Variants in SNRK observed in about 807,000 individuals in gnomAD.
SNRK encodes SNF-related serine/threonine-protein kinase.
A neutral mutation model predicts 48.2 loss-of-function variants in SNRK; 3 were observed. That is an observed-to-expected ratio of 0.06 (90% confidence interval 0.03 to 0.16). SNRK has a LOEUF of 0.16. Ranked by LOEUF, SNRK falls within the 10% of genes least tolerant of loss-of-function variation. The probability of loss-of-function intolerance (pLI) is 1.00; values close to 1 mark genes in which losing one functional copy is unlikely to be tolerated. For missense variants in SNRK, 627 were observed against 976.0 expected (o/e 0.64, Z 4.76); for synonymous variants, 376 against 366.1 (o/e 1.03, Z -0.31).
At chr3:43,306,932 A>G (rs2090942258) in intron 3 of SNRK, among the ~76,000 whole-genome samples, 1 of 152,174 alleles carries the variant, frequency 6.6e-6, no homozygotes. Flanking sequence ...TGCTTCGGAT[A>G]CTATTTTTAG....
chr3:43,340,575 C>T (rs1011424852), intron 5 of SNRK, 76 bp downstream of exon 5: 4 of 1,235,318 alleles, frequency 3.2e-6, no homozygotes, highest in Non-Finnish European at 3.5e-6. Context: ...TTAACACAGC[C>T]TTTGGACACC....
intron 3 of SNRK, among the ~76,000 whole-genome samples, chr3:43,330,040 T>C (rs1035199113): frequency 1.3e-5 from 2 of 152,232 alleles, no homozygotes; most frequent in African/African-American, 4.8e-5. Flanking sequence ...AATAATGTCA[T>C]TAAACTCATT....
intron 4 of SNRK, among the ~76,000 whole-genome samples, chr3:43,337,959 A>G (rs1246842572): frequency 1.3e-5 from 2 of 152,172 alleles, no homozygotes; most frequent in Non-Finnish European, 2.9e-5. Context: ...TATGTTGCCC[A>G]GGCTGGTCTG....
intron 1 of SNRK, among the ~76,000 whole-genome samples, chr3:43,291,041 G>A (rs2090808222): frequency 6.6e-6 from 1 of 152,080 alleles, no homozygotes; most frequent in African/African-American, 2.4e-5. Flanking sequence ...AGTTGGGGAG[G>A]GCAAGGGGAT....
intron 1 of SNRK, among the ~76,000 whole-genome samples, chr3:43,286,947 G>A (rs2090769510): frequency 6.9e-6 from 1 of 144,584 alleles, no homozygotes; most frequent in South Asian, 2.1e-4. Context: ...CTGCGGCGGC[G>A]GCCGCGGTCG....
chr3:43,348,071 T>G lies in SNRK; in HGVS notation c.1812T>G (p.Gly604=). 1 of 1,600,850 alleles carries G rather than the reference T, an allele frequency of 6.2e-7. No individual in the cohort carries two copies. The highest frequency in any genetic ancestry group is 8.5e-7 in the Non-Finnish European group (1 of 1,173,378). ...CCAGCCCCAGTGAGAACAATGCTGGTGGGGGCAGTCCCTCCAGCGGCTCGG... is the reference window on the plus strand; with the variant it reads ...CCAGCCCCAGTGAGAACAATGCTGGGGGGGGCAGTCCCTCCAGCGGCTCGG... ...DKASPSENNA[G]GGSPSSGSGG... Residue 604 remains glycine, a synonymous_variant, in exon 7 of 7, where the codon GGT becomes GGG. Transcript: ENST00000296088.
chr3:43,313,439 A>G (rs778034447), intron 3 of SNRK, among the ~76,000 whole-genome samples: 6 of 152,348 alleles, frequency 3.9e-5, no homozygotes, highest in South Asian at 2.1e-4. Flanking sequence ...GGCAACAACA[A>G]TCATCTCAGG....
rs1329589516 is a variant in SNRK, at chr3:43,347,918, G to T, written c.1659G>T (p.Arg553=). The T allele has an allele frequency of 3.1e-6, 5 of 1,614,034 alleles. No homozygotes were observed. The Admixed American group carries it at 6.7e-5, about 22-fold the overall frequency. The part of the protein sequence containing the change: ...TSDDDSESRR[R]LDKDSGFTYS... ...ATGATGATTCTGAAAGCCGGCGGCG[G>T]CTCGATAAAGATAGCGGGTTCACCT... The change falls in exon 7 of 7, where the codon CGG becomes CGT. Residue 553 remains arginine, a synonymous_variant. Coordinates refer to ENST00000296088, the MANE Select transcript of SNRK (RefSeq NM_017719.5). The surrounding 1 kb of genome is among the most constrained non-coding windows in gnomAD (Gnocchi z 5.4).
At chr3:43,313,944 T>C (rs886934225) in intron 3 of SNRK, among the ~76,000 whole-genome samples, 11 of 152,348 alleles carry the variant, frequency 7.2e-5, no homozygotes, top group Middle Eastern at 3.4e-3. Flanking sequence ...TTGTGTAGTG[T>C]GGTTTTAGTT....
At chr3:43,309,228 A>G (rs2090960377) in intron 3 of SNRK, among the ~76,000 whole-genome samples, 1 of 152,098 alleles carries the variant, frequency 6.6e-6, no homozygotes, top group African/African-American at 2.4e-5. Context: ...GTTTCTTGAG[A>G]TGGATTCTAT....
chr3:43,313,515 A>G (rs1056123372), intron 3 of SNRK, among the ~76,000 whole-genome samples: 1 of 152,222 alleles, frequency 6.6e-6, no homozygotes, highest in African/African-American at 2.4e-5. Flanking sequence ...AATGGAGAAC[A>G]GATTGGTGGC....
At chr3:43,316,301 T>G (rs2091012766) in intron 3 of SNRK, among the ~76,000 whole-genome samples, 1 of 152,164 alleles carries the variant, frequency 6.6e-6, no homozygotes, top group Admixed American at 6.5e-5. Flanking sequence ...GGATTTAAAC[T>G]GGTGGCTCTC....
At chr3:43,296,972 CA>C (rs1253742514) in intron 1 of SNRK, among the ~76,000 whole-genome samples, 1 of 152,156 alleles carries the variant, frequency 6.6e-6, no homozygotes, top group African/African-American at 2.4e-5. Flanking sequence ...GTTTCTCAGA[CA>C]TAAGTTTTTA....
intron 2 of SNRK, among the ~76,000 whole-genome samples, chr3:43,302,795 GT>G (rs1229856358): frequency 6.6e-6 from 1 of 151,942 alleles, no homozygotes; most frequent in African/African-American, 2.4e-5. Context: ...GAAAATGTTT[GT>G]TTTTTAAACA....
chr3:43,337,594 G>A (rs904649715), intron 4 of SNRK, among the ~76,000 whole-genome samples: 12 of 151,908 alleles, frequency 7.9e-5, no homozygotes, highest in Non-Finnish European at 1.3e-4. Flanking sequence ...TAGAGATGGT[G>A]TATTAGTCCA....
intron 5 of SNRK, chr3:43,340,776 T>C (rs1286368293): frequency 4.7e-6 from 2 of 430,064 alleles, no homozygotes; most frequent in African/African-American, 2.0e-5. Context: ...ATGAAACAGC[T>C]TGTTTTGTAT....
At chr3:43,286,886 CGCGGCGCGGCCTG>C (rs1264339020) in intron 1 of SNRK, among the ~76,000 whole-genome samples, 2 of 144,746 alleles carry the variant, frequency 1.4e-5, no homozygotes, top group Non-Finnish European at 3.1e-5. Flanking sequence ...GCCCGGACCC[CGCGGCGCGGCCTG>C]GCGGCGGGGC....
At chr3:43,335,688 G>T (rs114212663) in intron 4 of SNRK, among the ~76,000 whole-genome samples, 4 of 151,702 alleles carry the variant, frequency 2.6e-5, no homozygotes, top group Non-Finnish European at 4.4e-5. Context: ...TGGTGGATTT[G>T]TTTTTTTTCT....
At chr3:43,328,548 T>C (rs1176037718) in intron 3 of SNRK, among the ~76,000 whole-genome samples, 1 of 152,088 alleles carries the variant, frequency 6.6e-6, no homozygotes, top group African/African-American at 2.4e-5. Flanking sequence ...AAATGAATGT[T>C]ATATTAAGAC....
Sources: allele counts gnomAD v4.1 joint callset (sites outside exome capture counted in the v4.1 genomes callset), GRCh38; gene constraint gnomAD v4.1.1; non-coding constraint Gnocchi (gnomAD v3.1); transcripts MANE v1.5; gene names NCBI Gene and HGNC (gene_info 2026-07-23, HGNC 2026-07-21).